Variants in TMPRSS9 observed in about 807,000 individuals in gnomAD.
TMPRSS9 encodes the protein transmembrane serine protease 9, also known as transmembrane protease serine 9.
Under a neutral mutation model 111.4 loss-of-function variants are expected in TMPRSS9, and 113 were observed. That is an observed-to-expected ratio of 1.01 (90% CI 0.87 to 1.19). The LOEUF (loss-of-function observed/expected upper bound fraction) is 1.19. Ranked by LOEUF, TMPRSS9 falls within the 50% of genes most tolerant of loss-of-function variation. The probability of loss-of-function intolerance (pLI) is 0.00; values close to 1 mark genes in which losing one functional copy is unlikely to be tolerated. For missense variants in TMPRSS9, 1,803 were observed against 1,513.1 expected (o/e 1.19, Z -3.18); for synonymous variants, 805 against 659.1 (o/e 1.22, Z -3.39).
intron 15 of TMPRSS9, among the ~76,000 whole-genome samples, chr19:2,424,506 G>A (rs1232740895): frequency 7.1e-6 from 1 of 140,990 alleles, no homozygotes; most frequent in Non-Finnish European, 1.5e-5. Context: ...GTCCTACCCC[G>A]CGGTCCCCAC....
intron 1 of TMPRSS9, among the ~76,000 whole-genome samples, chr19:2,379,625 CTTTCTTTCTTT>C (rs1568170754): frequency 1.1e-4 from 15 of 139,970 alleles, no homozygotes; most frequent in African/African-American, 4.2e-4. Flanking sequence ...CTCTTTCTTT[CTTTCTTTCTTT>C]CTTTCTTTCT....
At chr19:2,418,081 C>T in exon 13 of TMPRSS9, 1 of 1,612,404 alleles carries the variant, frequency 6.2e-7, no homozygotes, top group South Asian at 1.1e-5. Flanking sequence ...ACAACTTCTC[C>T]CTCACAGACC....
chr19:2,418,389 C>T (rs1216493143), intron 13 of TMPRSS9, among the ~76,000 whole-genome samples: 1 of 33,564 alleles, frequency 3.0e-5, no homozygotes, highest in African/African-American at 1.4e-4. Context: ...CCCTTTCCTT[C>T]CCTCCCTGGC....
chr19:2,408,925 G>T (rs1047095522), intron 8 of TMPRSS9, among the ~76,000 whole-genome samples: 1 of 150,562 alleles, frequency 6.6e-6, no homozygotes, highest in Non-Finnish European at 1.5e-5. Context: ...GGAGATGGAG[G>T]TTGCACTGAG....
intron 4 of TMPRSS9, 81 bp downstream of exon 5, chr19:2,399,274 A>C: frequency 6.8e-7 from 1 of 1,464,732 alleles, no homozygotes. Flanking sequence ...TTTGATAACC[A>C]CCCCTTCCCA....
chr19:2,379,588 C>G (rs12462922), intron 1 of TMPRSS9, among the ~76,000 whole-genome samples: 6,835 of 149,990 alleles, frequency 0.046, 391 homozygotes, highest in East Asian at 0.28. Flanking sequence ...ACACTAGGCC[C>G]TGACATTCCC....
At chr19:2,419,202 TTCTC>T (rs896213240) in intron 13 of TMPRSS9, among the ~76,000 whole-genome samples, 4 of 141,736 alleles carry the variant, frequency 2.8e-5, no homozygotes, top group Non-Finnish European at 6.1e-5. Flanking sequence ...CTCTCTGTCT[TTCTC>T]TCTGTTTCTT....
At chr19:2,364,965 C>G (rs943440859) in intron 1 of TMPRSS9, among the ~76,000 whole-genome samples, 1 of 145,684 alleles carries the variant, frequency 6.9e-6, no homozygotes, top group Non-Finnish European at 1.5e-5. Context: ...GGCGACGGAG[C>G]GAGACTCCAT....
chr19:2,394,503 A>G (rs548694812), intron 1 of TMPRSS9, among the ~76,000 whole-genome samples: 4 of 152,322 alleles, frequency 2.6e-5, no homozygotes, highest in African/African-American at 9.6e-5. Context: ...CTATTTCTGC[A>G]ACTTCCTGAA....
intron 9 of TMPRSS9, among the ~76,000 whole-genome samples, chr19:2,412,595 C>T (rs995834338): frequency 6.6e-6 from 1 of 152,144 alleles, no homozygotes; most frequent in African/African-American, 2.4e-5. Flanking sequence ...CCCAACCAAC[C>T]CAGGTCCTCT....
Position 2,398,970 on chromosome 19 carries a change from C to T in TMPRSS9, c.339-48C>T, listed in dbSNP as rs759294629. 2.8e-5 allele frequency: 44 copies of T among 1,578,202 alleles called. No individual in the cohort carries two copies. In the Admixed American group the frequency reaches 7.7e-4, roughly 27 times the overall value. ...TCTAGAAGATTCCAGAAGATTCCAG[C>T]AGGGCGGAGCCCCTCCCTCTCCAAG... On this transcript the variant is annotated intron_variant, in intron 3 of 17. Transcript: ENST00000648592.
At chr19:2,390,092 A>AGAT (rs1970553379) in intron 1 of TMPRSS9, among the ~76,000 whole-genome samples, 165 bp downstream of exon 2, 1 of 152,122 alleles carries the variant, frequency 6.6e-6, no homozygotes, top group Non-Finnish European at 1.5e-5. Flanking sequence ...GGAGTGGAGC[A>AGAT]GATGAGTTCC....
chr19:2,414,182 A>T (rs1244794673), intron 10 of TMPRSS9, 164 bp downstream of exon 11: 4 of 697,806 alleles, frequency 5.7e-6, no homozygotes, highest in Non-Finnish European at 9.2e-6. Context: ...CCCTCATGGT[A>T]TCTTTCTGTC....
exon 14 of TMPRSS9, chr19:2,422,100 G>T: frequency 6.2e-7 from 1 of 1,605,054 alleles, no homozygotes. Flanking sequence ...AGTCCCGGGG[G>T]CCACACCCAG....
At chr19:2,412,051 G>A (rs1175133727) in intron 9 of TMPRSS9, among the ~76,000 whole-genome samples, 1 of 152,018 alleles carries the variant, frequency 6.6e-6, no homozygotes, top group Non-Finnish European at 1.5e-5. Flanking sequence ...TTATTCTGTT[G>A]TAACTGAGTG....
chr19:2,385,543 C>T (rs1394923061), upstream of TMPRSS9, among the ~76,000 whole-genome samples: 1 of 151,994 alleles, frequency 6.6e-6, no homozygotes, highest in East Asian at 1.9e-4. Context: ...TGGGAGAACA[C>T]CCGGAACAGG....
intron 1 of TMPRSS9, among the ~76,000 whole-genome samples, chr19:2,392,592 G>C (rs753885458): frequency 1.3e-5 from 2 of 152,196 alleles, no homozygotes; most frequent in Non-Finnish European, 2.9e-5. Context: ...CTGGGCTCCT[G>C]AGTCGAGTGG....
chr19:2,410,179 T>C (rs1049555039), intron 8 of TMPRSS9, 79 bp from the exon 10 acceptor site: 10 of 1,577,692 alleles, frequency 6.3e-6, no homozygotes, highest in Non-Finnish European at 7.8e-6. Flanking sequence ...GGAGAGGAGC[T>C]GTCCTTCAGC....
At position 2,397,536 on chromosome 19, in the gene TMPRSS9, C is replaced by T. The variant is rs116645044; in HGVS notation, c.270+870C>T. The stretch of plus-strand genomic sequence containing the variant: ...GGCCAGGCTTGGACACAGGACACAG[C>T]GAATTATATTTTAATGAAAAAATAA... On this transcript the variant is annotated intron_variant, in intron 2 of 17. Transcript: ENST00000648592. Among the ~76,000 whole-genome samples the T allele has an allele frequency of 3.5e-3, 525 of 152,118 alleles. 4 individuals are homozygous for T. The highest frequency in any genetic ancestry group is 0.012 in the African/African-American group (510 of 41,524).
Sources: allele counts gnomAD v4.1 joint callset (sites outside exome capture counted in the v4.1 genomes callset), GRCh38; gene constraint gnomAD v4.1.1; transcripts MANE v1.5; gene names NCBI Gene and HGNC (gene_info 2026-07-23, HGNC 2026-07-21).